Variants in KLK8 observed in about 807,000 individuals in gnomAD.
KLK8 encodes the protein kallikrein-8.
KLK8 carries 18 observed loss-of-function variants against 26.7 expected under a neutral mutation model. That is an observed-to-expected ratio of 0.67 (90% CI 0.47 to 1.00). The LOEUF is 1.00. Among genes scored for constraint, KLK8 ranks in the 50% least tolerant of loss-of-function variants. The pLI is 0.00. For missense variants in KLK8, 301 were observed against 331.7 expected, an observed-to-expected ratio of 0.91 and a Z score of 0.72; for synonymous variants, 137 against 127.1, an observed-to-expected ratio of 1.08 and a Z score of -0.52.
At chr19:50,999,951 C>G (rs1204995103) in intron 5 of KLK8, 45 bp downstream of exon 4, 2 of 1,548,150 alleles carry the variant, frequency 1.3e-6, no homozygotes, top group Admixed American at 3.6e-5. Context: ...TCCACTGGGC[C>G]AACCAGCTCC....
At chr19:50,998,912 C>G (rs1439436729) in intron 5 of KLK8, 3 of 152,174 alleles carry the variant, frequency 2.0e-5, no homozygotes. Flanking sequence ...AAGGAATTTG[C>G]CCAGGGAGAA....
chr19:51,000,457 T>G, exon 4 of KLK8: 1 of 1,613,122 alleles, frequency 6.2e-7, no homozygotes, highest in Non-Finnish European at 8.5e-7. Flanking sequence ...AAGGACCCAG[T>G]TGCCACCTAC....
chr19:50,997,513 A>G (rs75751681), intron 6 of KLK8, among the ~76,000 whole-genome samples: 5,908 of 152,260 alleles, frequency 0.039, 221 homozygotes, highest in African/African-American at 0.093. Context: ...CCTGTAGTTA[A>G]GCGTTCGAAA....
At chr19:50,998,226 G>A (rs1362407925) in intron 5 of KLK8, among the ~76,000 whole-genome samples, 4 of 152,022 alleles carry the variant, frequency 2.6e-5, no homozygotes, top group Admixed American at 6.5e-5. Flanking sequence ...TCAGACAACC[G>A]GGTCCTCAAT....
At chr19:50,999,583 C>CAAA (rs56988162) in intron 5 of KLK8, among the ~76,000 whole-genome samples, 592 of 30,284 alleles carry the variant, frequency 0.02, 241 homozygotes, top group East Asian at 0.042. Flanking sequence ...TGTCCCCCTG[C>CAAA]AAAAAAAAAA....
rs2091213171 is a variant in KLK8, at chr19:51,000,532, G to A, written c.122C>T (p.Pro41Leu). Residue 41 changes from proline to leucine, a missense_variant, in exon 4 of 7, where the codon CCC (proline) becomes CTC (leucine). By Grantham distance (98) the Pro-to-Leu change is moderately conservative. Transcript: ENST00000600767. The stretch of plus-strand genomic sequence containing the variant: ...GGCCGCCTGCCAAGGCTGCGAATGG[G>A]GTTGGCACTCATGACCCCCCAGCAC... 3.7e-6 allele frequency: 6 copies of A among 1,613,928 alleles called. No homozygotes were observed. In the South Asian group the frequency reaches 4.4e-5, roughly 12 times the overall value.
intron 6 of KLK8, among the ~76,000 whole-genome samples, chr19:50,996,980 G>A (rs1600121279): frequency 6.6e-6 from 1 of 150,768 alleles, no homozygotes; most frequent in South Asian, 2.2e-4. Flanking sequence ...TTGTGGAAGA[G>A]ACCACTATCT....
At chr19:50,996,458 G>A (rs138873998) in intron 6 of KLK8, among the ~76,000 whole-genome samples, 3 of 151,946 alleles carry the variant, frequency 2.0e-5, no homozygotes, top group Non-Finnish European at 4.4e-5. Context: ...TCCCAGACAG[G>A]CTTGGTGGCT....
intron 2 of KLK8, 40 bp downstream of exon 1, chr19:51,001,492 C>A (rs1568556972): frequency 1.2e-5 from 4 of 335,660 alleles, no homozygotes; most frequent in East Asian, 5.8e-5. Context: ...AAGGAGGGTC[C>A]GGGGCCTGAT....
intron 2 of KLK8, 53 bp from the exon 2 acceptor site, chr19:51,001,228 C>G: frequency 6.5e-7 from 1 of 1,527,528 alleles, no homozygotes; most frequent in Non-Finnish European, 9.0e-7. Flanking sequence ...GCCTGAGCTC[C>G]CAGTTCTGGA....
chr19:50,998,317 C>T (rs1035525613), intron 5 of KLK8, among the ~76,000 whole-genome samples: 2 of 152,184 alleles, frequency 1.3e-5, no homozygotes. Context: ...AATACCATCC[C>T]TCCATTACTC....
exon 7 of KLK8, chr19:50,996,144 C>A (rs1346477622): frequency 6.2e-7 from 1 of 1,614,116 alleles, no homozygotes; most frequent in Non-Finnish European, 8.5e-7. Flanking sequence ...GGACCTCCCA[C>A]AGGGGTCTGA....
rs113362363 is a variant in KLK8, at chr19:50,996,731, C to CAAA, written c.628-520_628-518dup. Among the ~76,000 whole-genome samples the CAAA allele has an allele frequency of 6.7e-4, 65 of 96,944 alleles. 3 individuals carry two copies. The highest frequency in any genetic ancestry group is 1.6e-3 in the African/African-American group (38 of 24,370). The allele number at this position is 96,944 out of a possible 152,430, so 63.6% of individuals were successfully genotyped here. A position where few individuals can be genotyped will look rare whatever the true frequency, so the allele number is the denominator to read the frequency against. Reference sequence around the variant, plus strand: ...TGGGGGACAGAGCGAGACCCTGTCTCAAAAAAAAAAAAAAAAGAGTTCTCG... The same window carrying CAAA: ...TGGGGGACAGAGCGAGACCCTGTCTCAAAAAAAAAAAAAAAAAAAGAGTTCTCG... On this transcript the variant is annotated intron_variant, in intron 6 of 6. Coordinates refer to ENST00000600767, the Ensembl canonical transcript of KLK8.
intron 6 of KLK8, 24 bp from the exon 6 acceptor site, chr19:50,996,238 C>A: frequency 1.9e-6 from 3 of 1,610,424 alleles, no homozygotes; most frequent in Non-Finnish European, 2.5e-6. Context: ...ATGAGAACAG[C>A]CTTGCATCTG....
At position 50,997,123 on chromosome 19, in the gene KLK8, T is replaced by C. The variant is rs907459961; in HGVS notation, c.627+628A>G. Among the ~76,000 whole-genome samples, 4 of 152,056 alleles carry C rather than the reference T, an allele frequency of 2.6e-5. No individual in the cohort carries two copies. In the South Asian group the frequency reaches 8.3e-4, roughly 32 times the overall value. On this transcript the variant is annotated intron_variant, in intron 6 of 6. Transcript: ENST00000600767. ...CAAAGGTGGTGGGGCTTCCAGGAAGTGGACAAAGCCAGGGGAAAGTGCTAG... is the reference window on the plus strand; with the variant it reads ...CAAAGGTGGTGGGGCTTCCAGGAAGCGGACAAAGCCAGGGGAAAGTGCTAG...
intron 2 of KLK8, 66 bp downstream of exon 1, chr19:51,001,466 G>C: frequency 2.4e-6 from 1 of 410,370 alleles, no homozygotes; most frequent in South Asian, 3.2e-5. Context: ...TGAGGCTGGG[G>C]TCCTGGAATC....
chr19:51,001,309 G>C, intron 2 of KLK8, 134 bp from the exon 2 acceptor site: 1 of 706,060 alleles, frequency 1.4e-6, no homozygotes, highest in Non-Finnish European at 2.4e-6. Context: ...GGAGGAGGCT[G>C]GGGGACTGGA....
intron 3 of KLK8, 120 bp downstream of exon 2, chr19:51,000,978 C>T (rs2091219036): frequency 7.1e-6 from 7 of 984,828 alleles, no homozygotes; most frequent in Non-Finnish European, 1.1e-5. Flanking sequence ...TGCACCGTAT[C>T]GCACTCTTCA....
At chr19:50,999,607 A>AAAAAT (rs1201299932) in intron 5 of KLK8, among the ~76,000 whole-genome samples, 1 of 121,752 alleles carries the variant, frequency 8.2e-6, no homozygotes, top group Non-Finnish European at 1.7e-5. Flanking sequence ...AAAAAAAAAA[A>AAAAAT]AAAAAAAAAA....
Sources: allele counts gnomAD v4.1 joint callset (sites outside exome capture counted in the v4.1 genomes callset), GRCh38; gene constraint gnomAD v4.1.1; transcripts MANE v1.5; gene names NCBI Gene and HGNC (gene_info 2026-07-23, HGNC 2026-07-21).